TNNI3K: variants seen among roughly 807,000 people sequenced by gnomAD.
The protein encoded by TNNI3K is TNNI3 interacting kinase, also known as serine/threonine-protein kinase TNNI3K.
In TNNI3K, 140 loss-of-function variants were observed where a neutral mutation model predicts 114.5. The ratio of observed to expected loss-of-function variants is 1.22; its 90% CI spans 1.07 to 1.41. The LOEUF (loss-of-function observed/expected upper bound fraction) is 1.41. Ranked by LOEUF, TNNI3K falls within the 40% of genes most tolerant of loss-of-function variation. The pLI, the probability that TNNI3K is intolerant of heterozygous loss-of-function variation, is 0.00. For missense variants in TNNI3K, 1,125 were observed against 1,007.6 expected (o/e 1.12, Z -1.58); for synonymous variants, 347 against 347.5 (o/e 1.00, Z 0.02).
chr1:74,248,598 T>TAACTTC (rs1654737391), intron 2 of TNNI3K, among the ~76,000 whole-genome samples: 1 of 152,252 alleles, frequency 6.6e-6, no homozygotes, highest in Non-Finnish European at 1.5e-5. Flanking sequence ...TTTTGAAGTA[T>TAACTTC]AACTCTTGGG....
chr1:74,246,729 G>A (rs962317633), intron 2 of TNNI3K, among the ~76,000 whole-genome samples: 1 of 152,158 alleles, frequency 6.6e-6, no homozygotes, highest in Non-Finnish European at 1.5e-5. Flanking sequence ...ACTGAAAGAA[G>A]AAAAAGCTTT....
chr1:74,366,310 T>C (rs1251510588), intron 11 of TNNI3K, among the ~76,000 whole-genome samples: 8 of 152,212 alleles, frequency 5.3e-5, no homozygotes, highest in East Asian at 3.9e-4. Context: ...ATTATTTTTA[T>C]AGTGAACGCA....
intron 20 of TNNI3K, among the ~76,000 whole-genome samples, chr1:74,455,676 C>G (rs753229726): frequency 2.0e-5 from 3 of 152,104 alleles, no homozygotes; most frequent in African/African-American, 7.2e-5. Context: ...AAGTTCCAGA[C>G]TCTGAAGGCC....
intron 21 of TNNI3K, among the ~76,000 whole-genome samples, chr1:74,474,135 T>C (rs570379439): frequency 3.3e-5 from 5 of 152,258 alleles, no homozygotes; most frequent in South Asian, 4.1e-4. Context: ...GGGTTTTAAA[T>C]GGTTAAAAGA....
intron 17 of TNNI3K, among the ~76,000 whole-genome samples, chr1:74,381,024 T>C (rs1430106691): frequency 1.3e-5 from 2 of 152,150 alleles, no homozygotes; most frequent in Non-Finnish European, 2.9e-5. Flanking sequence ...AATTTGGCCT[T>C]GAAAAAGAGA....
chr1:74,446,669 T>G (rs959029758), intron 20 of TNNI3K, among the ~76,000 whole-genome samples: 1 of 149,370 alleles, frequency 6.7e-6, no homozygotes, highest in Non-Finnish European at 1.5e-5. Flanking sequence ...TTTTTATGGT[T>G]TTAGGTCTAA....
intron 20 of TNNI3K, among the ~76,000 whole-genome samples, chr1:74,460,088 T>G (rs1667386750): frequency 6.6e-6 from 1 of 152,084 alleles, no homozygotes; most frequent in Admixed American, 6.5e-5. Context: ...ACTTTTTTTT[T>G]TTTTTGAGAC....
At chr1:74,246,285 A>G (rs531694527) in intron 2 of TNNI3K, among the ~76,000 whole-genome samples, 1 of 152,360 alleles carries the variant, frequency 6.6e-6, no homozygotes, top group Non-Finnish European at 1.5e-5. Flanking sequence ...AAAGTAAACT[A>G]GGTACTTGGA....
chr1:74,288,405 G>C (rs535588), intron 5 of TNNI3K, among the ~76,000 whole-genome samples: 151,867 of 152,266 alleles, frequency 1, 75,736 homozygotes, highest in Non-Finnish European at 1. Flanking sequence ...GTATAGAATA[G>C]TATACATATC....
At chr1:74,379,101 T>C (rs1379885745) in intron 17 of TNNI3K, among the ~76,000 whole-genome samples, 4 of 152,016 alleles carry the variant, frequency 2.6e-5, no homozygotes, top group Non-Finnish European at 4.4e-5. Context: ...CTCATTCACT[T>C]TTGTTAATTT....
chr1:74,516,689 C>T (rs889311296), intron 23 of TNNI3K, among the ~76,000 whole-genome samples: 3 of 152,264 alleles, frequency 2.0e-5, no homozygotes, highest in Non-Finnish European at 4.4e-5. Flanking sequence ...GACATTTCCA[C>T]AGCTTGGTTG....
At chr1:74,262,825 T>C (rs532763384) in intron 4 of TNNI3K, among the ~76,000 whole-genome samples, 1 of 152,216 alleles carries the variant, frequency 6.6e-6, no homozygotes, top group South Asian at 2.1e-4. Context: ...CTTCAATTCT[T>C]ACACCAGACA....
At chr1:74,309,073 A>G (rs935780973) in intron 5 of TNNI3K, among the ~76,000 whole-genome samples, 1 of 152,148 alleles carries the variant, frequency 6.6e-6, no homozygotes, top group Non-Finnish European at 1.5e-5. Flanking sequence ...TTCCAGGTGT[A>G]AAAAGAAGAG....
chr1:74,515,403 A>G (rs1198542487), intron 23 of TNNI3K, among the ~76,000 whole-genome samples: 1 of 152,214 alleles, frequency 6.6e-6, no homozygotes, highest in Admixed American at 6.6e-5. Flanking sequence ...GTGCTTTGTC[A>G]GAAAATAAAT....
chr1:74,330,244 C>T (rs900514647), intron 5 of TNNI3K, among the ~76,000 whole-genome samples: 2 of 151,998 alleles, frequency 1.3e-5, no homozygotes, highest in African/African-American at 4.8e-5. Flanking sequence ...TATAGGAACT[C>T]TTTGCTCTCC....
At chr1:74,247,581 C>T (rs753865785) in intron 2 of TNNI3K, among the ~76,000 whole-genome samples, 2 of 152,152 alleles carry the variant, frequency 1.3e-5, no homozygotes, top group East Asian at 3.9e-4. Flanking sequence ...CTGATTGGTC[C>T]GTTTTGACAG....
At chr1:74,269,012 AT>A (rs1656185892) in intron 4 of TNNI3K, among the ~76,000 whole-genome samples, 1 of 151,866 alleles carries the variant, frequency 6.6e-6, no homozygotes, top group Non-Finnish European at 1.5e-5. Flanking sequence ...CATTGGCCTT[AT>A]TGCTGGTCTT....
chr1:74,522,567 A>C (rs1009064104), intron 23 of TNNI3K, among the ~76,000 whole-genome samples: 1 of 152,152 alleles, frequency 6.6e-6, no homozygotes, highest in East Asian at 1.9e-4. Flanking sequence ...AGCATGAAAA[A>C]GAGAGAATCT....
chr1:74,530,158 G>C (rs774404575), intron 23 of TNNI3K, among the ~76,000 whole-genome samples: 11 of 152,132 alleles, frequency 7.2e-5, no homozygotes, highest in Non-Finnish European at 1.3e-4. Flanking sequence ...ATTTACCCCA[G>C]AGGGTAGGGT....
Sources: allele counts gnomAD v4.1 joint callset (sites outside exome capture counted in the v4.1 genomes callset), GRCh38; gene constraint gnomAD v4.1.1; transcripts MANE v1.5; gene names NCBI Gene and HGNC (gene_info 2026-07-23, HGNC 2026-07-21).